NXF1: variants seen among roughly 807,000 people sequenced by gnomAD.
The protein encoded by NXF1 is nuclear RNA export factor 1, also known as mRNA export factor TAP.
NXF1 carries 43 observed loss-of-function variants against 92.4 expected under a neutral mutation model. That is an observed-to-expected ratio of 0.47 (90% CI 0.36 to 0.60). The LOEUF (loss-of-function observed/expected upper bound fraction) is 0.60. Among genes scored for constraint, NXF1 ranks in the 20% least tolerant of loss-of-function variants. The probability of loss-of-function intolerance (pLI) is 0.00; values close to 1 mark genes in which losing one functional copy is unlikely to be tolerated. For synonymous variants in NXF1, 288 were observed against 292.2 expected (o/e 0.99, Z 0.15); for missense variants, 576 against 793.0 (o/e 0.73, Z 3.29).
intron 10 of NXF1, chr11:62,800,167 AT>A: frequency 1.4e-6 from 2 of 1,402,882 alleles, no homozygotes; most frequent in South Asian, 3.2e-5. Flanking sequence ...CAGCAAACAG[AT>A]AGTCAAGTCA....
At chr11:62,801,454 G>A (rs1300697545) in intron 7 of NXF1, 37 bp from the exon 8 acceptor site, 2 of 1,611,548 alleles carry the variant, frequency 1.2e-6, no homozygotes, top group Admixed American at 3.3e-5. Context: ...GGAAGACTGA[G>A]AGGGTTTGCC....
chr11:62,803,076 T>G (rs2084496602), intron 3 of NXF1, among the ~76,000 whole-genome samples: 1 of 152,138 alleles, frequency 6.6e-6, no homozygotes, highest in Non-Finnish European at 1.5e-5. Flanking sequence ...ATCCCAGCAC[T>G]TTGGGGGGCC....
intron 4 of NXF1, 50 bp from the exon 5 acceptor site, chr11:62,802,096 A>T (rs1490206565): frequency 6.2e-7 from 1 of 1,607,666 alleles, no homozygotes; most frequent in East Asian, 2.2e-5. Flanking sequence ...GCCCTTGGGG[A>T]GGGGCATTAC....
At chr11:62,793,819 TAAAAAA>T (rs56389050) in intron 19 of NXF1, among the ~76,000 whole-genome samples, 1 of 86,524 alleles carries the variant, frequency 1.2e-5, no homozygotes, top group Non-Finnish European at 2.2e-5. Context: ...CCGTCTCTAC[TAAAAAA>T]AAAAAAAAAA....
At position 62,794,940 on chromosome 11, in the gene NXF1, A is replaced by G. The variant is rs1308671560; in HGVS notation, c.1572T>C (p.Asn524=). The part of the protein sequence containing the change: ...TRTFIAVPAS[N]SGLCIVNDEL... ...GCGAAAAGCAGAATACTTACCCTGA[A>G]TTGCTAGCAGGAACAGCAATGAATG... is the stretch of plus-strand genomic sequence containing the variant. The change falls in exon 18 of 21, where the codon AAT becomes AAC. Residue 524 remains asparagine, a synonymous_variant. Transcript: ENST00000294172. 1 of 1,614,200 alleles carries G rather than the reference A, an allele frequency of 6.2e-7. No individual in the cohort carries two copies. The highest frequency in any genetic ancestry group is 2.2e-5 in the East Asian group (1 of 44,886).
Position 62,795,832 on chromosome 11 carries a change from A to T in NXF1, c.1504+69T>A, listed in dbSNP as rs78194278. On this transcript the variant is annotated intron_variant, in intron 17 of 20. Coordinates refer to ENST00000294172, the MANE Select transcript of NXF1 (RefSeq NM_006362.5). ...GGGAGAGAAAGTAGCTGGGAAGCTA[A>T]GAGTGCTGAGGAAAATTCCAGCTGG... The T allele has an allele frequency of 3.1e-4, 439 of 1,408,694 alleles. 1 individual carries two copies. The African/African-American group carries it at 5.2e-3, about 17-fold the overall frequency. The allele number at this position is 1,408,694 out of a possible 1,614,324, so 87.3% of individuals were successfully genotyped here. A position where few individuals can be genotyped will look rare whatever the true frequency, so the allele number is the denominator to read the frequency against.
At chr11:62,795,094 G>C (rs1464263171) in intron 17 of NXF1, 87 bp from the exon 18 acceptor site, 6 of 1,271,070 alleles carry the variant, frequency 4.7e-6, no homozygotes, top group Non-Finnish European at 6.8e-6. Context: ...TTGATATAAA[G>C]AATCCTAGCA....
At chr11:62,803,702 A>G in intron 2 of NXF1, 90 bp downstream of exon 2, 1 of 1,539,616 alleles carries the variant, frequency 6.5e-7, no homozygotes. Flanking sequence ...TTCTCACTCT[A>G]ACAGGTGGGA....
chr11:62,794,481 C>T, intron 18 of NXF1, 41 bp from the exon 19 acceptor site: 2 of 1,533,792 alleles, frequency 1.3e-6, no homozygotes, highest in Non-Finnish European at 1.8e-6. Context: ...ACAGAGATAA[C>T]ATCATCCTCC....
chr11:62,802,992 GATAGAT>G (rs1226446820), intron 3 of NXF1, among the ~76,000 whole-genome samples: 1 of 152,172 alleles, frequency 6.6e-6, no homozygotes, highest in African/African-American at 2.4e-5. Flanking sequence ...TAGGAGAAAA[GATAGAT>G]ACTTGAGTGT....
intron 8 of NXF1, 41 bp from the exon 9 acceptor site, chr11:62,801,242 G>A (rs1211487698): frequency 3.7e-6 from 6 of 1,605,834 alleles, no homozygotes; most frequent in Non-Finnish European, 4.3e-6. Flanking sequence ...CCACCAGCAA[G>A]TGGATCAGAG....
intron 1 of NXF1, among the ~76,000 whole-genome samples, chr11:62,804,811 C>T (rs1006613170): frequency 6.6e-6 from 1 of 152,086 alleles, no homozygotes; most frequent in African/African-American, 2.4e-5. Context: ...GGGTGGAAAA[C>T]GAGAGTTTTA....
chr11:62,800,164 C>T (rs631310), intron 10 of NXF1: 104,443 of 1,398,070 alleles, frequency 0.075, 8,749 homozygotes, highest in African/African-American at 0.41. Flanking sequence ...ACCCAGCAAA[C>T]AGATAGTCAA....
In NXF1 at chr11:62,792,130, TACA is replaced by T. The variant is rs528059467; in HGVS notation, c.*343_*345del. The T allele has an allele frequency of 7.5e-4, 543 of 720,102 alleles. No individual in the cohort carries two copies. The highest frequency in any genetic ancestry group is 1.1e-3 in the Non-Finnish European group (472 of 446,840). 44.6% of individuals were successfully genotyped at this position (720,102 alleles called of 1,614,324 possible). Reference sequence around the variant, plus strand: ...CCAATCCAGCACGCAGAACACGAAATACAACATCACTCTTTATATTAAAAAGTG... The same window carrying T: ...CCAATCCAGCACGCAGAACACGAAATACATCACTCTTTATATTAAAAAGTG... On this transcript the variant is annotated 3_prime_UTR_variant, in exon 21 of 21. Coordinates refer to ENST00000294172, the MANE Select transcript of NXF1 (RefSeq NM_006362.5).
rs372784460 is a variant in NXF1 at position 62,795,969 on chromosome 11, A to G, written c.1462-26T>C. Reference sequence around the variant, plus strand: ...CTGAAAGAGAAGCAGCATCAGGTACAATGTACACTTCTCAGAGCCTGAGTG... The same window carrying G: ...CTGAAAGAGAAGCAGCATCAGGTACGATGTACACTTCTCAGAGCCTGAGTG... On this transcript the variant is annotated intron_variant, in intron 16 of 20. Transcript: ENST00000294172. 78 of 1,613,796 alleles carry G rather than the reference A, an allele frequency of 4.8e-5. No individual in the cohort carries two copies. The African/African-American group carries it at 8.0e-4, about 17-fold the overall frequency.
chr11:62,792,530 G>T lies in NXF1; in HGVS notation c.1822-16C>A. 1 of 1,614,206 alleles carries T rather than the reference G, an allele frequency of 6.2e-7. No individual in the cohort carries two copies. Among genetic ancestry groups the T allele is most frequent in the East Asian group, 2.2e-5 (1 of 44,892 alleles). On this transcript the variant is annotated splice_polypyrimidine_tract_variant and intron_variant, in intron 20 of 20. Coordinates refer to ENST00000294172, the MANE Select transcript of NXF1 (RefSeq NM_006362.5). ...CGCCCTTGGCCTGGAGAAAAATGAA[G>T]GTCAGTAGAGGTAGGCCTACCCTCG...
intron 1 of NXF1, chr11:62,805,033 A>G (rs941240147): frequency 3.1e-6 from 1 of 324,184 alleles, no homozygotes. Context: ...TTAAAGGAAG[A>G]GTCAGGCCGC....
chr11:62,799,835 C>T (rs562865836), intron 10 of NXF1: 30 of 986,342 alleles, frequency 3.0e-5, no homozygotes, highest in Admixed American at 6.1e-5. Context: ...TGCCACCAGC[C>T]CCTAGGAGGC....
At chr11:62,796,911 A>G (rs2084426716) in intron 13 of NXF1, 2 of 550,218 alleles carry the variant, frequency 3.6e-6, no homozygotes, top group Non-Finnish European at 6.5e-6. Flanking sequence ...TACGAAAAAT[A>G]CAAAAATTAG....
Sources: allele counts gnomAD v4.1 joint callset (sites outside exome capture counted in the v4.1 genomes callset), GRCh38; gene constraint gnomAD v4.1.1; transcripts MANE v1.5; gene names NCBI Gene and HGNC (gene_info 2026-07-23, HGNC 2026-07-21).